Variants in MBNL3 observed in about 807,000 individuals in gnomAD.
MBNL3 encodes the protein muscleblind-like protein 3.
A neutral mutation model predicts 24.5 loss-of-function variants in MBNL3; 6 were observed. The ratio of observed to expected loss-of-function variants is 0.25; its 90% confidence interval spans 0.13 to 0.48. MBNL3 has a LOEUF of 0.48. Among genes scored for constraint, MBNL3 ranks in the 20% least tolerant of loss-of-function variants. MBNL3 has a pLI of 0.99. For missense variants in MBNL3, 230 were observed against 293.5 expected (o/e 0.78, Z 1.58); for synonymous variants, 100 against 101.7 (o/e 0.98, Z 0.10).
At chrX:132,388,854 T>C (rs1014361269) in intron 5 of MBNL3, among the ~76,000 whole-genome samples, 1 of 111,515 alleles carries the variant, frequency 9.0e-6, no homozygotes, top group Non-Finnish European at 1.9e-5. Context: ...CTTAAAAATA[T>C]AAAAAGCTTG....
rs1446892325 is a variant in MBNL3, at chrX:132,372,471, TTATTAATATTATAATATTAAAATAA to T, written c.*7170_*7194del. ...AAGCAGCAACAATAATATTAAAATA[TTATTAATATTATAATATTAAAATAA>T]TATTAAAATATTAATAAATAAGTTT... On this transcript the variant is annotated 3_prime_UTR_variant, in exon 9 of 9. Transcript: ENST00000370853. The T allele has an allele frequency of 1.9e-5, 2 of 107,774 alleles. No individual in the cohort carries two copies. The highest frequency in any genetic ancestry group is 3.8e-5 in the Non-Finnish European group (2 of 52,144). 8.9% of individuals were successfully genotyped at this position (107,774 alleles called of 1,213,427 possible).
chrX:132,467,790 T>C (rs1482681127), intron 1 of MBNL3, among the ~76,000 whole-genome samples: 1 of 112,275 alleles, frequency 8.9e-6, no homozygotes, highest in African/African-American at 3.2e-5. Flanking sequence ...TTTATACTTC[T>C]GCTTAATCTT....
intron 1 of MBNL3, among the ~76,000 whole-genome samples, chrX:132,449,245 C>T (rs140097987): frequency 0.015 from 1,634 of 110,959 alleles, 25 homozygotes; most frequent in African/African-American, 0.051. Flanking sequence ...GTGTTAAAGT[C>T]TCCCACTATT....
At chrX:132,396,294 G>A (rs1197377922) in intron 3 of MBNL3, among the ~76,000 whole-genome samples, 1 of 99,070 alleles carries the variant, frequency 1.0e-5, no homozygotes, top group Non-Finnish European at 2.0e-5. Flanking sequence ...ATTCTCCAAC[G>A]CTTTCAGGAG....
At chrX:132,382,042 C>T (rs1189042284) in intron 8 of MBNL3, 136 bp downstream of exon 8, 4 of 529,468 alleles carry the variant, frequency 7.6e-6, no homozygotes, top group Admixed American at 6.3e-5. Flanking sequence ...CTAGAATATA[C>T]ACAAAAATAA....
chrX:132,443,776 A>T (rs886921392), intron 1 of MBNL3, among the ~76,000 whole-genome samples: 1 of 111,604 alleles, frequency 9.0e-6, no homozygotes, highest in African/African-American at 3.3e-5. Flanking sequence ...ACACTACTGC[A>T]TAGAAGTTAA....
rs747518520 is a variant in MBNL3, at chrX:132,382,392, C to T, written c.959-120G>A. 1.6e-5 allele frequency: 8 copies of T among 490,062 alleles called. 1 individual carries two copies. The highest frequency in any genetic ancestry group is 2.8e-5 in the Non-Finnish European group (8 of 287,429). 40.4% of individuals were successfully genotyped at this position (490,062 alleles called of 1,213,427 possible). A position where few individuals can be genotyped will look rare whatever the true frequency, so the allele number is the denominator to read the frequency against. On this transcript the variant is annotated intron_variant, in intron 7 of 8. Coordinates refer to ENST00000370853, the MANE Select transcript of MBNL3 (RefSeq NM_001386889.1). Reference sequence around the variant, plus strand: ...AGCAACAAGCCATGTGACATCATAACGATGAATACATCAGGGTGTTCATGC... The same window carrying T: ...AGCAACAAGCCATGTGACATCATAATGATGAATACATCAGGGTGTTCATGC...
At chrX:132,391,310 G>A (rs775143488) in intron 4 of MBNL3, among the ~76,000 whole-genome samples, 1 of 111,878 alleles carries the variant, frequency 8.9e-6, no homozygotes, top group East Asian at 2.8e-4. Flanking sequence ...CCCAAAAGGA[G>A]GTTGTCCTTA....
chrX:132,436,872 A>G (rs1945144038), intron 2 of MBNL3, among the ~76,000 whole-genome samples: 2 of 112,145 alleles, frequency 1.8e-5, no homozygotes, highest in African/African-American at 6.5e-5. Context: ...AAAATATGAG[A>G]ATGTAAGGAT....
intron 3 of MBNL3, among the ~76,000 whole-genome samples, chrX:132,403,801 A>T (rs555671575): frequency 9.0e-6 from 1 of 111,470 alleles, no homozygotes; most frequent in African/African-American, 3.3e-5. Context: ...GCATTTCACT[A>T]GTACCCTGAA....
chrX:132,488,917 G>C lies in MBNL3; in HGVS notation c.-770C>G, dbSNP rs1025631645. On this transcript the variant is annotated 5_prime_UTR_variant, in exon 1 of 9. Coordinates refer to ENST00000370853, the MANE Select transcript of MBNL3 (RefSeq NM_001386889.1). ...TCTCAGCGGCAGCAGCAGGGGCAGC[G>C]GCAGCGACAGCGGCACATGCCATCT... 2 of 113,773 alleles carry C rather than the reference G, an allele frequency of 1.8e-5. No homozygotes were observed. Among genetic ancestry groups the C allele is most frequent in the Non-Finnish European group, 3.7e-5 (2 of 53,598 alleles). 9.4% of individuals were successfully genotyped at this position (113,773 alleles called of 1,213,427 possible). A position where few individuals can be genotyped will look rare whatever the true frequency, so the allele number is the denominator to read the frequency against.
intron 2 of MBNL3, among the ~76,000 whole-genome samples, chrX:132,436,962 A>G (rs929830280): frequency 6.2e-5 from 7 of 112,207 alleles, no homozygotes; most frequent in Non-Finnish European, 1.3e-4. Context: ...AACACTAGAT[A>G]CAGTGAGTAG....
At chrX:132,419,786 T>C (rs1943625448) in intron 2 of MBNL3, among the ~76,000 whole-genome samples, 1 of 112,478 alleles carries the variant, frequency 8.9e-6, no homozygotes, top group African/African-American at 3.2e-5. Flanking sequence ...TTATTGGCAA[T>C]TTATTTTTGG....
chrX:132,470,377 G>T (rs1336007573), intron 1 of MBNL3, among the ~76,000 whole-genome samples: 1 of 109,806 alleles, frequency 9.1e-6, no homozygotes, highest in Non-Finnish European at 1.9e-5. Flanking sequence ...AATAACAAAT[G>T]CAAAAACAAA....
rs760932538 is a variant in MBNL3 at position 132,382,202 on chromosome X, G to A, written c.1029C>T (p.Phe343=). 1.7e-5 allele frequency: 21 copies of A among 1,209,264 alleles called. No homozygotes were observed. The highest frequency in any genetic ancestry group is 2.3e-4 in the Middle Eastern group (1 of 4,369). Residue 343 remains phenylalanine (F), a synonymous_variant, in exon 8 of 9, where the codon TTC becomes TTT. Transcript: ENST00000370853. The part of the protein sequence containing the change: ...AATTPATSVP[F]AAPTTGNQLK... Reference sequence around the variant, plus strand: ...CCTGATTGCCTGTAGTTGGTGCAGCGAACGGAACGCTGGTGGCAGGTGTTG... The same window carrying A: ...CCTGATTGCCTGTAGTTGGTGCAGCAAACGGAACGCTGGTGGCAGGTGTTG...
At chrX:132,454,501 A>G (rs906096832) in intron 1 of MBNL3, among the ~76,000 whole-genome samples, 1 of 111,639 alleles carries the variant, frequency 9.0e-6, no homozygotes, top group African/African-American at 3.3e-5. Context: ...CAGATTCTCA[A>G]TCTCCATACT....
intron 1 of MBNL3, among the ~76,000 whole-genome samples, chrX:132,465,688 A>G (rs1448914002): frequency 8.9e-6 from 1 of 112,358 alleles, no homozygotes; most frequent in East Asian, 2.8e-4. Flanking sequence ...ATGCATATTT[A>G]TAAAAAAGTA....
chrX:132,406,222 A>G lies in MBNL3; in HGVS notation c.342+6T>C. Reference sequence around the variant, plus strand: ...CGGCAATTTTCAAAATATAGCTGCGACTTACAAGTGATGACATTTGAGCGT... The same window carrying G: ...CGGCAATTTTCAAAATATAGCTGCGGCTTACAAGTGATGACATTTGAGCGT... On this transcript the variant is annotated splice_donor_region_variant and intron_variant, in intron 3 of 8. Coordinates refer to ENST00000370853, the MANE Select transcript of MBNL3 (RefSeq NM_001386889.1). 1 of 1,211,103 alleles carries G rather than the reference A, an allele frequency of 8.3e-7. No homozygotes were observed. The highest frequency in any genetic ancestry group is 1.8e-5 in the South Asian group (1 of 56,956).
chrX:132,429,647 T>C (rs1461748976), intron 2 of MBNL3, among the ~76,000 whole-genome samples: 1 of 112,060 alleles, frequency 8.9e-6, no homozygotes, highest in Non-Finnish European at 1.9e-5. Context: ...AAAGTTGGCT[T>C]ATCCACGCCT....
Sources: gnomAD v4.1 joint callset for allele counts (sites outside exome capture counted in the v4.1 genomes callset) on GRCh38, gnomAD v4.1.1 for gene constraint, MANE v1.5 for transcripts, NCBI Gene and HGNC (gene_info 2026-07-23, HGNC 2026-07-21) for gene names.